TNFRSF1B: variants seen among roughly 807,000 people sequenced by gnomAD.
TNFRSF1B encodes the protein tumor necrosis factor receptor superfamily member 1B.
A neutral mutation model predicts 44.6 loss-of-function variants in TNFRSF1B; 19 were observed. The observed-to-expected ratio is 0.43, with a 90% CI of 0.30 to 0.62. TNFRSF1B has a LOEUF of 0.62. TNFRSF1B is among the 20% of genes least tolerant of loss of function. TNFRSF1B has a pLI of 0.16. For missense variants in TNFRSF1B, 541 were observed against 619.9 expected (o/e 0.87, Z 1.35); for synonymous variants, 252 against 261.1 (o/e 0.97, Z 0.34).
intron 3 of TNFRSF1B, among the ~76,000 whole-genome samples, chr1:12,191,550 G>C (rs948750871): frequency 1.4e-5 from 2 of 148,018 alleles, no homozygotes; most frequent in Admixed American, 6.6e-5. Context: ...GGGACGAGCA[G>C]GACTGCGGAG....
intron 1 of TNFRSF1B, among the ~76,000 whole-genome samples, chr1:12,188,181 A>G (rs1342120224): frequency 6.7e-6 from 1 of 149,284 alleles, no homozygotes; most frequent in Non-Finnish European, 1.5e-5. Context: ...TGTCTGCATC[A>G]CATGAGTGTG....
chr1:12,184,305 G>A (rs1638926432), intron 1 of TNFRSF1B, among the ~76,000 whole-genome samples: 1 of 152,138 alleles, frequency 6.6e-6, no homozygotes, highest in South Asian at 2.1e-4. Flanking sequence ...TTGCCAAGGG[G>A]CTTTCTGTTC....
intron 7 of TNFRSF1B, 38 bp from the exon 8 acceptor site, chr1:12,194,546 G>A: frequency 6.2e-7 from 1 of 1,613,690 alleles, no homozygotes; most frequent in Non-Finnish European, 8.5e-7. Context: ...TGTGCCTGAG[G>A]AAGTCAATCT....
intron 8 of TNFRSF1B, among the ~76,000 whole-genome samples, chr1:12,197,967 TA>T (rs889283070): frequency 4.0e-5 from 6 of 151,350 alleles, no homozygotes; most frequent in African/African-American, 1.5e-4. Flanking sequence ...CTACTAAAAA[TA>T]AAAAAAATTA....
chr1:12,169,621 C>A lies in TNFRSF1B; in HGVS notation c.78+2452C>A, dbSNP rs537782204. On this transcript the variant is annotated intron_variant, in intron 1 of 9. Coordinates refer to ENST00000376259, the MANE Select transcript of TNFRSF1B (RefSeq NM_001066.3). The surrounding 1 kb of genome is among the most constrained non-coding windows in gnomAD (Gnocchi z 4.5). ...GAAGTCAACTGAGCTGCAGAAGAAG[C>A]CCCCAGGAGACCTGAGCTAGCCATG... Among the ~76,000 whole-genome samples the A allele has an allele frequency of 4.6e-5, 7 of 152,272 alleles. No individual in the cohort carries two copies. Among genetic ancestry groups the A allele is most frequent in the Non-Finnish European group, 1.0e-4 (7 of 68,048 alleles).
intron 1 of TNFRSF1B, among the ~76,000 whole-genome samples, chr1:12,176,919 C>G (rs572343677): frequency 8.5e-5 from 13 of 152,060 alleles, no homozygotes; most frequent in Non-Finnish European, 1.3e-4. Flanking sequence ...GGAGCATGCT[C>G]TCTCCACCTG....
At chr1:12,190,913 C>T (rs1639102054) in intron 2 of TNFRSF1B, 44 bp from the exon 3 acceptor site, 1 of 1,600,164 alleles carries the variant, frequency 6.2e-7, no homozygotes, top group Admixed American at 1.7e-5. Context: ...AGGGTCCTGG[C>T]AGAAGGCTCG....
chr1:12,177,848 T>C lies in TNFRSF1B; in HGVS notation c.78+10679T>C, dbSNP rs539599940. Among the ~76,000 whole-genome samples, 7 of 150,354 alleles carry C rather than the reference T, an allele frequency of 4.7e-5. No individual in the cohort carries two copies. The South Asian group carries it at 6.3e-4, about 14-fold the overall frequency. The stretch of plus-strand genomic sequence containing the variant: ...TTTAGCGGGTGCTTCTTGGGTGCAA[T>C]GCGCAAGAGACCGATGCATTAACTA... On this transcript the variant is annotated intron_variant, in intron 1 of 9. Coordinates refer to ENST00000376259, the MANE Select transcript of TNFRSF1B (RefSeq NM_001066.3). The surrounding 1 kb of genome is among the most constrained non-coding windows in gnomAD (Gnocchi z 4.3).
In TNFRSF1B at chr1:12,192,822, T is replaced by C. The variant is rs554329036; in HGVS notation, c.552-41T>C. The C allele has an allele frequency of 5.8e-6, 9 of 1,556,170 alleles. No individual in the cohort carries two copies. The South Asian group carries it at 1.0e-4, about 18-fold the overall frequency. On this transcript the variant is annotated intron_variant, in intron 5 of 9. Coordinates refer to ENST00000376259, the MANE Select transcript of TNFRSF1B (RefSeq NM_001066.3). ...ATGAGCCCAGCCACCCCAGCCACTC[T>C]GTCCCCTGCTGCCTCCTGACCAAGC...
Position 12,188,801 on chromosome 1 carries a change from A to T in TNFRSF1B, c.84A>T (p.Ala28=). 6.2e-7 allele frequency: 1 copy of T among 1,613,530 alleles called. No homozygotes were observed. The change falls in exon 2 of 10, where the codon GCA becomes GCT. Residue 28 remains alanine, a synonymous_variant. Transcript: ENST00000376259. ...TCTTCCCTTCTTCCTTCCAGGTGGC[A>T]TTTACACCCTACGCCCCGGAGCCCG... is the stretch of plus-strand genomic sequence containing the variant. ...AAAHALPAQV[A]FTPYAPEPGS... is the part of the protein sequence containing the mutation.
chr1:12,189,979 C>T (rs1639075546), intron 2 of TNFRSF1B, among the ~76,000 whole-genome samples: 1 of 152,060 alleles, frequency 6.6e-6, no homozygotes, highest in Non-Finnish European at 1.5e-5. Context: ...ATGTGTGGCC[C>T]AGGATGAGCG....
chr1:12,174,122 T>TTCTTCTTCTTCTTCTTC (rs1638580998), intron 1 of TNFRSF1B, among the ~76,000 whole-genome samples: 1 of 66,674 alleles, frequency 1.5e-5, no homozygotes, highest in African/African-American at 6.0e-5. Flanking sequence ...TGAGACTCCA[T>TTCTTCTTCTTCTTCTTC]TTCTTCTTCT....
chr1:12,206,388 A>G (rs1639503340), intron 9 of TNFRSF1B, among the ~76,000 whole-genome samples: 1 of 150,374 alleles, frequency 6.7e-6, no homozygotes, highest in African/African-American at 2.4e-5. Context: ...GACAGAAGAG[A>G]CAGGGTCTCA....
At chr1:12,183,393 C>T (rs1638854091) in intron 1 of TNFRSF1B, among the ~76,000 whole-genome samples, 1 of 152,122 alleles carries the variant, frequency 6.6e-6, no homozygotes, top group African/African-American at 2.4e-5. Context: ...ACCTGCCTCA[C>T]CAATTGGAAT....
In TNFRSF1B at chr1:12,207,493, G is replaced by A. The variant is rs1027403913; in HGVS notation, c.*473G>A. 1.3e-5 allele frequency: 2 copies of A among 159,374 alleles called. No individual in the cohort carries two copies. The highest frequency in any genetic ancestry group is 6.3e-5 in the Admixed American group (1 of 15,846). The allele number at this position is 159,374 out of a possible 1,614,324, so 9.9% of individuals were successfully genotyped here. ...GAGGGATGCTGCCTGAGTCACCCAT[G>A]AAGACAGGACAGTGCTTCAGCCTGA... On this transcript the variant is annotated 3_prime_UTR_variant, in exon 10 of 10. Transcript: ENST00000376259.
intron 3 of TNFRSF1B, among the ~76,000 whole-genome samples, chr1:12,191,457 A>G (rs1372069035): frequency 6.8e-5 from 10 of 147,510 alleles, no homozygotes; most frequent in African/African-American, 2.5e-4. Flanking sequence ...GGGGAGGAGC[A>G]GGACTGCAGG....
rs1016700655 is a variant in TNFRSF1B at position 12,177,695 on chromosome 1, G to A, written c.78+10526G>A. Among the ~76,000 whole-genome samples, 2 of 151,954 alleles carry A rather than the reference G, an allele frequency of 1.3e-5. No individual in the cohort carries two copies. Among genetic ancestry groups the A allele is most frequent in the African/African-American group, 4.8e-5 (2 of 41,356 alleles). On this transcript the variant is annotated intron_variant, in intron 1 of 9. Transcript: ENST00000376259. The surrounding 1 kb of genome is among the most constrained non-coding windows in gnomAD (Gnocchi z 4.3). ...ATTTAGCCTGGCTACTCAGGAGACT[G>A]AGGCAGGAGAATCGCTTGAACCTGG... is the stretch of plus-strand genomic sequence containing the variant.
At chr1:12,182,008 A>G (rs905482284) in intron 1 of TNFRSF1B, among the ~76,000 whole-genome samples, 2 of 152,168 alleles carry the variant, frequency 1.3e-5, no homozygotes, top group Admixed American at 6.5e-5. Flanking sequence ...AGGCACAGAG[A>G]ACCTGGTTAC....
At chr1:12,183,707 T>TCTAGCTAGCTATCTAG (rs1638884965) in intron 1 of TNFRSF1B, among the ~76,000 whole-genome samples, 17 of 107,006 alleles carry the variant, frequency 1.6e-4, no homozygotes, top group African/African-American at 4.9e-4. Context: ...TATCTATCTA[T>TCTAGCTAGCTATCTAG]CTATTCTATC....
Sources: allele counts gnomAD v4.1 joint callset (sites outside exome capture counted in the v4.1 genomes callset), GRCh38; gene constraint gnomAD v4.1.1; non-coding constraint Gnocchi (gnomAD v3.1); transcripts MANE v1.5; gene names NCBI Gene and HGNC (gene_info 2026-07-23, HGNC 2026-07-21).